The following PRKD1 variants were observed in gnomAD, a reference collection of about 807,000 sequenced individuals.
PRKD1 encodes the protein protein kinase D1.
PRKD1 carries 63 observed loss-of-function variants against 95.9 expected under a neutral mutation model. That is an observed-to-expected ratio of 0.66 (90% CI 0.54 to 0.81). PRKD1 has a LOEUF of 0.81. Ranked by LOEUF, PRKD1 falls within the 30% of genes least tolerant of loss-of-function variation. PRKD1 has a pLI of 0.00. For missense variants in PRKD1, 1,048 were observed against 1,165.3 expected, an observed-to-expected ratio of 0.90 and a Z score of 1.47; for synonymous variants, 425 against 423.1, an observed-to-expected ratio of 1.00 and a Z score of -0.05.
chr14:29,708,544 A>C (rs1341344427), intron 2 of PRKD1, among the ~76,000 whole-genome samples: 2 of 152,162 alleles, frequency 1.3e-5, no homozygotes, highest in East Asian at 3.8e-4. Context: ...CATCCTCACA[A>C]GTTAGAATAT....
chr14:29,843,941 G>T (rs916768062), intron 1 of PRKD1, among the ~76,000 whole-genome samples: 2 of 152,068 alleles, frequency 1.3e-5, no homozygotes, highest in African/African-American at 4.8e-5. Flanking sequence ...TGTCAACCTT[G>T]GATCCAGTAT....
At position 29,640,041 on chromosome 14, in the gene PRKD1, G is replaced by A. The variant is rs139222798; in HGVS notation, c.697-1137C>T. 2.8e-3 allele frequency among the ~76,000 whole-genome samples: 426 copies of A among 152,164 alleles called. 1 individual carries two copies. Among genetic ancestry groups the A allele is most frequent in the African/African-American group, 9.0e-3 (374 of 41,518 alleles). ...AGATAAACTGAATTACTTTTGAACC[G>A]TTGTTATAATTATGTATCTCATTTA... On this transcript the variant is annotated intron_variant, in intron 4 of 17. Coordinates refer to ENST00000331968, the MANE Select transcript of PRKD1 (RefSeq NM_002742.3).
At chr14:29,809,324 C>A (rs1333539940) in intron 1 of PRKD1, among the ~76,000 whole-genome samples, 2 of 152,222 alleles carry the variant, frequency 1.3e-5, no homozygotes, top group Non-Finnish European at 2.9e-5. Context: ...CTTAAAGTTA[C>A]CAGCTGCTTT....
At chr14:29,618,645 G>A (rs149679028) in intron 13 of PRKD1, among the ~76,000 whole-genome samples, 1 of 152,138 alleles carries the variant, frequency 6.6e-6, no homozygotes, top group Admixed American at 6.5e-5. Flanking sequence ...AATGGCATGA[G>A]ATGTAAATGA....
chr14:29,770,367 C>G (rs1046049318), intron 1 of PRKD1, among the ~76,000 whole-genome samples: 1 of 152,080 alleles, frequency 6.6e-6, no homozygotes, highest in Admixed American at 6.6e-5. Context: ...AAAAAGTCTA[C>G]GCTGCTATAA....
chr14:29,742,440 T>C (rs1376546819), intron 1 of PRKD1, among the ~76,000 whole-genome samples: 2 of 152,228 alleles, frequency 1.3e-5, no homozygotes, highest in African/African-American at 2.4e-5. Flanking sequence ...CTGTGATGTT[T>C]GGGATCTTGA....
chr14:29,715,893 T>G (rs1885583141), intron 2 of PRKD1, among the ~76,000 whole-genome samples: 1 of 152,124 alleles, frequency 6.6e-6, no homozygotes, highest in East Asian at 1.9e-4. Flanking sequence ...GCCACATGCG[T>G]TTTAGAAGCC....
At chr14:29,718,156 C>T (rs11851262) in intron 2 of PRKD1, among the ~76,000 whole-genome samples, 17,384 of 152,098 alleles carry the variant, frequency 0.11, 1,281 homozygotes, top group African/African-American at 0.21. Flanking sequence ...TATGGTTAGG[C>T]TTCGTGTCCC....
At chr14:29,618,183 T>G (rs1370546535) in intron 13 of PRKD1, among the ~76,000 whole-genome samples, 6 of 152,106 alleles carry the variant, frequency 3.9e-5, no homozygotes, top group African/African-American at 7.2e-5. Flanking sequence ...TATCTTGACA[T>G]GAATAACAGA....
chr14:29,876,723 A>C (rs576255469), intron 1 of PRKD1, among the ~76,000 whole-genome samples: 2 of 152,108 alleles, frequency 1.3e-5, no homozygotes, highest in East Asian at 1.9e-4. Flanking sequence ...AAACAAACAA[A>C]AAAAAACAAA....
chr14:29,647,614 G>A (rs952004892), intron 4 of PRKD1, among the ~76,000 whole-genome samples: 1 of 152,200 alleles, frequency 6.6e-6, no homozygotes, highest in African/African-American at 2.4e-5. Flanking sequence ...GAAATAGTCT[G>A]AAAAGAGACT....
At chr14:29,904,012 CT>C (rs1181537413) in intron 1 of PRKD1, among the ~76,000 whole-genome samples, 2 of 152,082 alleles carry the variant, frequency 1.3e-5, no homozygotes, top group Non-Finnish European at 2.9e-5. Context: ...ATATAACTGC[CT>C]CTTTTGAACC....
At chr14:29,759,747 C>A (rs955380275) in intron 1 of PRKD1, among the ~76,000 whole-genome samples, 1 of 152,024 alleles carries the variant, frequency 6.6e-6, no homozygotes, top group Non-Finnish European at 1.5e-5. Context: ...TGGCATTGTG[C>A]GCAGTAAGTC....
intron 4 of PRKD1, chr14:29,656,346 T>G: frequency 9.7e-7 from 1 of 1,034,694 alleles, no homozygotes; most frequent in Admixed American, 2.2e-5. Context: ...ATGTGTTGAA[T>G]TTTGAGCTAA....
chr14:29,634,819 G>T (rs1555330293), intron 7 of PRKD1, among the ~76,000 whole-genome samples: 2 of 151,936 alleles, frequency 1.3e-5, no homozygotes, highest in Non-Finnish European at 1.5e-5. Context: ...GGATCACGAG[G>T]TCAGGAGTTC....
intron 1 of PRKD1, among the ~76,000 whole-genome samples, chr14:29,833,212 C>T (rs1215266149): frequency 6.6e-6 from 1 of 152,074 alleles, no homozygotes; most frequent in Non-Finnish European, 1.5e-5. Flanking sequence ...CCAGGTTATT[C>T]TTTGGGAAAT....
intron 1 of PRKD1, among the ~76,000 whole-genome samples, chr14:29,789,420 C>G (rs759658985): frequency 1.3e-5 from 2 of 152,076 alleles, no homozygotes; most frequent in Non-Finnish European, 2.9e-5. Flanking sequence ...ACAGATATAG[C>G]TATAGTGCTG....
In PRKD1 at chr14:29,695,863, G is replaced by C. The variant is rs114613588; in HGVS notation, c.404-29655C>G. Among the ~76,000 whole-genome samples, 968 of 152,206 alleles carry C rather than the reference G, an allele frequency of 6.4e-3. 9 individuals carry two copies. Among genetic ancestry groups the C allele is most frequent in the African/African-American group, 0.022 (921 of 41,540 alleles). ...GGAGAAAGAACGAGAGAAAATGATA[G>C]ATCAATAAATGTAAAATGGAAATAT... is the stretch of plus-strand genomic sequence containing the variant. On this transcript the variant is annotated intron_variant, in intron 2 of 17. Transcript: ENST00000331968.
intron 4 of PRKD1, among the ~76,000 whole-genome samples, chr14:29,647,832 G>T (rs1841868437): frequency 6.6e-6 from 1 of 152,170 alleles, no homozygotes; most frequent in Non-Finnish European, 1.5e-5. Context: ...TAGCAGACGT[G>T]TCCTGAAAGA....
Sources: gnomAD v4.1 joint callset for allele counts (sites outside exome capture counted in the v4.1 genomes callset) on GRCh38, gnomAD v4.1.1 for gene constraint, MANE v1.5 for transcripts, NCBI Gene and HGNC (gene_info 2026-07-23, HGNC 2026-07-21) for gene names.